The following ARSJ variants were observed in gnomAD, a reference collection of about 807,000 sequenced individuals.
ARSJ encodes arylsulfatase J.
ARSJ carries 26 observed loss-of-function variants against 35.9 expected under a neutral mutation model. The observed-to-expected ratio is 0.72, with a 90% CI of 0.53 to 1.00. The LOEUF is 1.00. Ranked by LOEUF, ARSJ falls within the 50% of genes least tolerant of loss-of-function variation. The pLI, the probability that ARSJ is intolerant of heterozygous loss-of-function variation, is 0.00. For missense variants in ARSJ, 667 were observed against 723.6 expected (o/e 0.92, Z 0.90); for synonymous variants, 294 against 267.6 (o/e 1.10, Z -0.96).
At chr4:113,951,500 C>T (rs1445573199) in intron 1 of ARSJ, among the ~76,000 whole-genome samples, 3 of 151,946 alleles carry the variant, frequency 2.0e-5, no homozygotes, top group East Asian at 1.9e-4. Context: ...GATCTGAAGT[C>T]GACACTTTAT....
chr4:113,909,330 A>G (rs911703485), intron 1 of ARSJ, among the ~76,000 whole-genome samples: 13 of 152,282 alleles, frequency 8.5e-5, no homozygotes, highest in Middle Eastern at 3.4e-3. Context: ...CAAACAAAAA[A>G]ATAGTAAACA....
intron 1 of ARSJ, among the ~76,000 whole-genome samples, chr4:113,925,394 T>C (rs929051148): frequency 5.3e-5 from 8 of 152,210 alleles, no homozygotes; most frequent in Admixed American, 1.3e-4. Flanking sequence ...CTTGATTTCC[T>C]GGACCCGTGA....
Position 113,978,800 on chromosome 4 carries a change from G to A in ARSJ, c.35C>T (p.Pro12Leu). Reference protein sequence around the residue: ...APRGCAGHPPPPSPQACVCPG... With the variant: ...APRGCAGHPPLPSPQACVCPG... The stretch of plus-strand genomic sequence containing the variant: ...ACAGACACAGGCCTGTGGAGAAGGC[G>A]GAGGCGGATGCCCCGCACAGCCCCT... Residue 12 changes from proline (P) to leucine (L), a missense_variant, in exon 1 of 2, where the codon CCG becomes CTG. Pro to Leu is a moderately conservative substitution (Grantham distance 98). Coordinates refer to ENST00000315366, the MANE Select transcript of ARSJ (RefSeq NM_024590.4). 6.2e-7 allele frequency: 1 copy of A among 1,612,824 alleles called. No individual in the cohort carries two copies. Among genetic ancestry groups the A allele is most frequent in the Non-Finnish European group, 8.5e-7 (1 of 1,179,340 alleles).
At chr4:113,959,340 A>G (rs1265472155) in intron 1 of ARSJ, among the ~76,000 whole-genome samples, 1 of 152,054 alleles carries the variant, frequency 6.6e-6, no homozygotes, top group Non-Finnish European at 1.5e-5. Context: ...TAATGTTTCA[A>G]ATGCACACAC....
At chr4:113,925,210 G>C (rs1175382635) in intron 1 of ARSJ, among the ~76,000 whole-genome samples, 1 of 152,058 alleles carries the variant, frequency 6.6e-6, no homozygotes, top group Non-Finnish European at 1.5e-5. Context: ...TGTCCAGGTG[G>C]CAATCTTAGC....
At chr4:113,911,467 C>A (rs1486494475) in intron 1 of ARSJ, among the ~76,000 whole-genome samples, 1 of 152,124 alleles carries the variant, frequency 6.6e-6, no homozygotes, top group Non-Finnish European at 1.5e-5. Flanking sequence ...GAGAAGTGGC[C>A]TAATCTAAGA....
chr4:113,941,246 T>C (rs1725139360), intron 1 of ARSJ, among the ~76,000 whole-genome samples: 1 of 152,044 alleles, frequency 6.6e-6, no homozygotes, highest in Admixed American at 6.6e-5. Context: ...CATTGCTAAG[T>C]TGCAAAACAA....
chr4:113,978,447 T>C lies in ARSJ; in HGVS notation c.388A>G (p.Ile130Val). ...PICTPSRSQF[I>V]TGKYQIHTGL... The stretch of plus-strand genomic sequence containing the variant: ...AGTAGGAACACTTACTTTCCAGTAA[T>C]AAACTGACTCCTGGATGGTGTGCAA... Residue 130 changes from isoleucine to valine, a missense_variant, in exon 1 of 2, where the codon ATT becomes GTT. Coordinates refer to ENST00000315366, the MANE Select transcript of ARSJ (RefSeq NM_024590.4). 1 of 1,598,794 alleles carries C rather than the reference T, an allele frequency of 6.3e-7. No homozygotes were observed. The highest frequency in any genetic ancestry group is 1.1e-5 in the South Asian group (1 of 88,602).
intron 1 of ARSJ, among the ~76,000 whole-genome samples, chr4:113,929,723 T>C (rs1009900539): frequency 1.3e-5 from 2 of 152,122 alleles, no homozygotes; most frequent in Non-Finnish European, 2.9e-5. Context: ...AGGGCAATCT[T>C]AGCAGATTTG....
Position 113,978,810 on chromosome 4 carries a change from G to GC in ARSJ, c.24dup (p.His9AlafsTer77). 1 of 1,609,176 alleles carries GC rather than the reference G, an allele frequency of 6.2e-7. No homozygotes were observed. Among genetic ancestry groups the GC allele is most frequent in the Non-Finnish European group, 8.5e-7 (1 of 1,177,704 alleles). The stretch of plus-strand genomic sequence containing the variant: ...GCCTGTGGAGAAGGCGGAGGCGGAT[G>GC]CCCCGCACAGCCCCTGGGAGCCATT... On this transcript the variant is annotated frameshift_variant, in exon 1 of 2. Coordinates refer to ENST00000315366, the MANE Select transcript of ARSJ (RefSeq NM_024590.4). LOFTEE classifies it high-confidence loss of function.
chr4:113,953,293 C>T (rs771145825), intron 1 of ARSJ, among the ~76,000 whole-genome samples: 7 of 152,114 alleles, frequency 4.6e-5, no homozygotes, highest in African/African-American at 7.2e-5. Context: ...TTAGAATTTG[C>T]GGTGAGTGGA....
At chr4:113,928,248 G>T (rs1724204105) in intron 1 of ARSJ, among the ~76,000 whole-genome samples, 1 of 152,068 alleles carries the variant, frequency 6.6e-6, no homozygotes, top group African/African-American at 2.4e-5. Context: ...AGTTACACTT[G>T]TAAAAGGCCA....
intron 1 of ARSJ, among the ~76,000 whole-genome samples, chr4:113,961,285 A>T (rs1281425160): frequency 1.3e-5 from 2 of 152,114 alleles, no homozygotes; most frequent in Admixed American, 6.6e-5. Context: ...TGAACTTGTA[A>T]AAGATTATGA....
At chr4:113,954,987 ACTTTTCTTTTT>A (rs1726078467) in intron 1 of ARSJ, among the ~76,000 whole-genome samples, 1 of 145,966 alleles carries the variant, frequency 6.9e-6, no homozygotes, top group Non-Finnish European at 1.5e-5. Context: ...CAATTTATTG[ACTTTTCTTTTT>A]CTTTTCTTTT....
At chr4:113,972,312 AAAAAAAC>A (rs1727314140) in intron 1 of ARSJ, among the ~76,000 whole-genome samples, 3 of 149,908 alleles carry the variant, frequency 2.0e-5, no homozygotes. Context: ...AAAAACAAAA[AAAAAAAC>A]CCCACCATGA....
chr4:113,978,183 T>A (rs1727706810), intron 1 of ARSJ, among the ~76,000 whole-genome samples: 1 of 152,202 alleles, frequency 6.6e-6, no homozygotes, highest in Non-Finnish European at 1.5e-5. Context: ...TATTTATACG[T>A]TCTCATCTCA....
chr4:113,923,862 T>C (rs1489364780), intron 1 of ARSJ, among the ~76,000 whole-genome samples: 1 of 151,126 alleles, frequency 6.6e-6, no homozygotes, highest in Non-Finnish European at 1.5e-5. Context: ...AAAAATAAAA[T>C]TCCTATAAAA....
intron 1 of ARSJ, among the ~76,000 whole-genome samples, chr4:113,921,339 G>A (rs1251770320): frequency 6.6e-6 from 1 of 152,026 alleles, no homozygotes; most frequent in African/African-American, 2.4e-5. Flanking sequence ...CTTTGGGGTG[G>A]GATGTGTGTT....
chr4:113,978,046 T>C (rs1221025691), intron 1 of ARSJ, among the ~76,000 whole-genome samples: 1 of 152,228 alleles, frequency 6.6e-6, no homozygotes, highest in Non-Finnish European at 1.5e-5. Context: ...AAAAAAATTT[T>C]TGATCTTTCT....
Sources: allele counts gnomAD v4.1 joint callset (sites outside exome capture counted in the v4.1 genomes callset), GRCh38; gene constraint gnomAD v4.1.1; transcripts MANE v1.5; gene names NCBI Gene and HGNC (gene_info 2026-07-23, HGNC 2026-07-21).